Variants in LIN28B observed in about 807,000 individuals in gnomAD.
The protein encoded by LIN28B is lin-28 RNA binding posttranscriptional regulator B.
LIN28B carries 5 observed loss-of-function variants against 21.9 expected under a neutral mutation model. The ratio of observed to expected loss-of-function variants is 0.23; its 90% CI spans 0.12 to 0.48. The LOEUF is 0.48. LIN28B is among the 20% of genes least tolerant of loss of function. LIN28B has a pLI of 0.98. For synonymous variants in LIN28B, 109 were observed against 111.3 expected, an observed-to-expected ratio of 0.98 and a Z score of 0.13; for missense variants, 245 against 310.5, an observed-to-expected ratio of 0.79 and a Z score of 1.58.
At chr6:105,041,680 C>A (rs146984101) in intron 3 of LIN28B, among the ~76,000 whole-genome samples, 2 of 152,262 alleles carry the variant, frequency 1.3e-5, no homozygotes, top group African/African-American at 4.8e-5. Flanking sequence ...CACAAATGAA[C>A]TCATCATGGC....
intron 1 of LIN28B, 26 bp from the exon 2 acceptor site, chr6:104,958,073 G>T: frequency 6.7e-7 from 1 of 1,494,208 alleles, no homozygotes; most frequent in South Asian, 1.4e-5. Context: ...AATACAGACT[G>T]ACTTTTTTGT....
chr6:105,069,451 G>A lies in LIN28B; in HGVS notation c.384-8963G>A, dbSNP rs559668729. 8.5e-5 allele frequency among the ~76,000 whole-genome samples: 13 copies of A among 152,196 alleles called. 1 individual carries two copies. The South Asian group carries it at 2.7e-3, about 32-fold the overall frequency. On this transcript the variant is annotated intron_variant, in intron 3 of 3. Transcript: ENST00000345080. Reference sequence around the variant, plus strand: ...TTAAGGAGCTGTAAATTTGCTGGGTGCAGTGGCTCACGCCTCTAATCCCAG... The same window carrying A: ...TTAAGGAGCTGTAAATTTGCTGGGTACAGTGGCTCACGCCTCTAATCCCAG...
At chr6:105,055,995 A>G (rs976239834) in intron 3 of LIN28B, among the ~76,000 whole-genome samples, 1 of 141,808 alleles carries the variant, frequency 7.1e-6, no homozygotes, top group African/African-American at 2.6e-5. Flanking sequence ...TCCTGGGCTC[A>G]AGCAGTCCTT....
At chr6:105,024,657 T>A (rs775051564) in intron 2 of LIN28B, among the ~76,000 whole-genome samples, 1 of 152,196 alleles carries the variant, frequency 6.6e-6, no homozygotes, top group Non-Finnish European at 1.5e-5. Flanking sequence ...ATGAAAGATT[T>A]CACTATGCCA....
chr6:104,992,916 A>G lies in LIN28B; in HGVS notation c.199-33382A>G, dbSNP rs995185032. 4.6e-5 allele frequency among the ~76,000 whole-genome samples: 7 copies of G among 152,182 alleles called. No homozygotes were observed. In the East Asian group the frequency reaches 5.8e-4, roughly 13 times the overall value. ...CTGGAGGTTACAGTGTGCGTCCTCA[A>G]TTTATTTCAGACAACTTTGAATTAT... On this transcript the variant is annotated intron_variant, in intron 2 of 3. Coordinates refer to ENST00000345080, the MANE Select transcript of LIN28B (RefSeq NM_001004317.4).
chr6:104,973,981 G>A (rs1770030714), intron 2 of LIN28B, among the ~76,000 whole-genome samples: 2 of 152,128 alleles, frequency 1.3e-5, no homozygotes, highest in Non-Finnish European at 2.9e-5. Context: ...AAGTATATAT[G>A]AAATGTTTTA....
intron 2 of LIN28B, among the ~76,000 whole-genome samples, chr6:105,023,127 A>G: frequency 7.2e-6 from 1 of 139,620 alleles, no homozygotes; most frequent in East Asian, 2.1e-4. Context: ...CCTATGTAGC[A>G]GCTATTTTGG....
At chr6:105,027,538 A>C (rs1461465537) in intron 3 of LIN28B, among the ~76,000 whole-genome samples, 2 of 151,870 alleles carry the variant, frequency 1.3e-5, no homozygotes, top group African/African-American at 2.4e-5. Flanking sequence ...TAGGATATGA[A>C]TCTTTCTTCT....
intron 2 of LIN28B, among the ~76,000 whole-genome samples, chr6:105,005,440 G>A (rs1257829973): frequency 1.3e-5 from 2 of 151,972 alleles, no homozygotes; most frequent in African/African-American, 2.4e-5. Context: ...ACTCCTACTG[G>A]TGGATGCTTT....
intron 3 of LIN28B, among the ~76,000 whole-genome samples, chr6:105,039,853 A>G (rs1364694150): frequency 2.6e-5 from 4 of 151,950 alleles, no homozygotes; most frequent in African/African-American, 9.7e-5. Flanking sequence ...GATTTAGGGG[A>G]AAGTTTTGTC....
intron 3 of LIN28B, among the ~76,000 whole-genome samples, chr6:105,059,375 TCA>T (rs1479181416): frequency 6.6e-6 from 1 of 152,180 alleles, no homozygotes; most frequent in African/African-American, 2.4e-5. Flanking sequence ...GTTTCACTCT[TCA>T]CATTTTGCTA....
rs557473053 is a variant in LIN28B at position 104,973,413 on chromosome 6, G to A, written c.198+15127G>A. The stretch of plus-strand genomic sequence containing the variant: ...TAATGAAATTACCCAAATTATTGGT[G>A]CTTTATGCTGTCCCCAAATTATTCC... On this transcript the variant is annotated intron_variant, in intron 2 of 3. Coordinates refer to ENST00000345080, the MANE Select transcript of LIN28B (RefSeq NM_001004317.4). Among the ~76,000 whole-genome samples the A allele has an allele frequency of 3.9e-5, 6 of 152,184 alleles. No individual in the cohort carries two copies. In the East Asian group the frequency reaches 1.2e-3, roughly 29 times the overall value.
At chr6:104,963,873 T>C (rs1769803198) in intron 2 of LIN28B, among the ~76,000 whole-genome samples, 1 of 152,212 alleles carries the variant, frequency 6.6e-6, no homozygotes, top group South Asian at 2.1e-4. Flanking sequence ...AATAATTTTT[T>C]AAATAAAAAT....
rs544485089 is a variant in LIN28B, at chr6:104,949,063, CTATT to C, written c.19-1397_19-1394del. Among the ~76,000 whole-genome samples the C allele has an allele frequency of 2.6e-3, 391 of 151,510 alleles. 5 individuals are homozygous for C. The highest frequency in any genetic ancestry group is 9.0e-3 in the African/African-American group (371 of 41,318). On this transcript the variant is annotated intron_variant, in intron 2 of 5. Transcript: ENST00000635857. Reference sequence around the variant, plus strand: ...TTTTTTTTTTTTTAACAAACCCTATCTATTGTATTTACACATCTTTAAAATATGT... The same window carrying C: ...TTTTTTTTTTTTTAACAAACCCTATCGTATTTACACATCTTTAAAATATGT...
intron 3 of LIN28B, among the ~76,000 whole-genome samples, chr6:105,063,636 G>A (rs1314437299): frequency 1.4e-5 from 1 of 73,668 alleles, no homozygotes; most frequent in Admixed American, 1.5e-4. Flanking sequence ...ACTCCATCTC[G>A]GGGGGGGGGG....
At chr6:104,982,458 A>G (rs1582877487) in intron 2 of LIN28B, among the ~76,000 whole-genome samples, 1 of 152,338 alleles carries the variant, frequency 6.6e-6, no homozygotes, top group East Asian at 1.9e-4. Context: ...CCTGAAAGAA[A>G]AGCAAAAGTT....
chr6:104,983,780 T>G (rs1409770970), intron 2 of LIN28B, among the ~76,000 whole-genome samples: 1 of 152,190 alleles, frequency 6.6e-6, no homozygotes, highest in East Asian at 1.9e-4. Context: ...TTCACCATGT[T>G]GGCCAGGCTG....
chr6:105,003,798 A>G (rs1770763036), intron 2 of LIN28B, among the ~76,000 whole-genome samples: 1 of 152,222 alleles, frequency 6.6e-6, no homozygotes, highest in South Asian at 2.1e-4. Flanking sequence ...GGCGTGAGCC[A>G]CTGCACCCAG....
At chr6:105,064,686 G>A (rs891745634) in intron 3 of LIN28B, among the ~76,000 whole-genome samples, 1 of 152,048 alleles carries the variant, frequency 6.6e-6, no homozygotes, top group African/African-American at 2.4e-5. Context: ...TTGAATAAAA[G>A]GCTCAAGTAT....
Sources: allele counts gnomAD v4.1 joint callset (sites outside exome capture counted in the v4.1 genomes callset), GRCh38; gene constraint gnomAD v4.1.1; transcripts MANE v1.5; gene names NCBI Gene and HGNC (gene_info 2026-07-23, HGNC 2026-07-21).